The following REEP1 variants were observed in gnomAD, a reference collection of about 807,000 sequenced individuals.
REEP1 encodes receptor accessory protein 1, also known as receptor expression-enhancing protein 1.
REEP1 carries 22 observed loss-of-function variants against 40.3 expected under a neutral mutation model. The ratio of observed to expected loss-of-function variants is 0.55; its 90% CI spans 0.39 to 0.78. The LOEUF (loss-of-function observed/expected upper bound fraction) is 0.78, where lower values mean the gene tolerates loss of function less well. Ranked by LOEUF, REEP1 falls within the 30% of genes least tolerant of loss-of-function variation. The probability of loss-of-function intolerance (pLI) is 0.00; values close to 1 mark genes in which losing one functional copy is unlikely to be tolerated. For synonymous variants in REEP1, 116 were observed against 139.2 expected, an observed-to-expected ratio of 0.83 and a Z score of 1.17; for missense variants, 280 against 361.1, an observed-to-expected ratio of 0.78 and a Z score of 1.82.
chr2:86,312,497 G>T (rs1200252573), intron 1 of REEP1, among the ~76,000 whole-genome samples: 2 of 152,174 alleles, frequency 1.3e-5, no homozygotes, highest in East Asian at 3.9e-4. Context: ...CACAAGAGCT[G>T]TAAAATCAGA....
At chr2:86,257,813 T>C (rs968453092) in intron 3 of REEP1, among the ~76,000 whole-genome samples, 2 of 152,160 alleles carry the variant, frequency 1.3e-5, no homozygotes, top group Non-Finnish European at 2.9e-5. Context: ...AATTTTTGTA[T>C]TTTTAGTAGA....
chr2:86,224,901 G>A (rs950982540), intron 7 of REEP1, among the ~76,000 whole-genome samples: 1 of 152,222 alleles, frequency 6.6e-6, no homozygotes, highest in African/African-American at 2.4e-5. Context: ...AGTGTCAGGG[G>A]AAGAATGGAG....
At chr2:86,312,955 G>T (rs911243572) in intron 1 of REEP1, among the ~76,000 whole-genome samples, 1 of 152,154 alleles carries the variant, frequency 6.6e-6, no homozygotes, top group Admixed American at 6.5e-5. Flanking sequence ...CATCAGTTCA[G>T]ACGGGAACCC....
intron 1 of REEP1, among the ~76,000 whole-genome samples, chr2:86,311,114 C>T (rs1679742820): frequency 1.3e-5 from 2 of 152,126 alleles, no homozygotes; most frequent in African/African-American, 2.4e-5. Context: ...CAGGAATAGT[C>T]ATAGGAACTG....
intron 5 of REEP1, among the ~76,000 whole-genome samples, chr2:86,240,621 A>G (rs1675620794): frequency 6.6e-6 from 1 of 152,156 alleles, no homozygotes; most frequent in Non-Finnish European, 1.5e-5. Context: ...CAGTGAGTAA[A>G]AGGAGACCAG....
chr2:86,304,184 T>TCA (rs1679382263), intron 1 of REEP1, among the ~76,000 whole-genome samples: 1 of 152,136 alleles, frequency 6.6e-6, no homozygotes, highest in Admixed American at 6.5e-5. Flanking sequence ...ACAGGTGCTC[T>TCA]TATGGTCTCC....
At chr2:86,220,224 C>G in intron 7 of REEP1, 103 bp from the exon 8 acceptor site, 1 of 799,232 alleles carries the variant, frequency 1.3e-6, no homozygotes, top group Non-Finnish European at 1.7e-6. Flanking sequence ...GCACAGCAAA[C>G]CAGGCCTGTG....
chr2:86,297,785 C>G, intron 1 of REEP1: 1 of 928,874 alleles, frequency 1.1e-6, no homozygotes, highest in African/African-American at 1.8e-5. Context: ...AATGCCTCTT[C>G]CCAGAAGACT....
At chr2:86,239,201 T>C (rs1413151144) in intron 5 of REEP1, among the ~76,000 whole-genome samples, 2 of 92,018 alleles carry the variant, frequency 2.2e-5, no homozygotes, top group Non-Finnish European at 4.0e-5. Flanking sequence ...ACCAATGCCA[T>C]CTAGACCAAA....
At chr2:86,291,853 T>A (rs959113048) in intron 1 of REEP1, among the ~76,000 whole-genome samples, 3 of 152,232 alleles carry the variant, frequency 2.0e-5, no homozygotes, top group Non-Finnish European at 2.9e-5. Flanking sequence ...TGGATTTTTA[T>A]GCTCCCAAAC....
intron 1 of REEP1, among the ~76,000 whole-genome samples, chr2:86,331,781 C>T (rs1680777661): frequency 6.6e-6 from 1 of 152,170 alleles, no homozygotes; most frequent in African/African-American, 2.4e-5. Context: ...CAGACCTTTT[C>T]TGATCAGGAA....
At chr2:86,270,039 C>T (rs1677351470) in intron 2 of REEP1, among the ~76,000 whole-genome samples, 1 of 152,148 alleles carries the variant, frequency 6.6e-6, no homozygotes, top group Non-Finnish European at 1.5e-5. Context: ...ACAGACACTC[C>T]ACAAAGAAGA....
At chr2:86,253,136 T>A (rs1676374240) in intron 4 of REEP1, among the ~76,000 whole-genome samples, 1 of 151,802 alleles carries the variant, frequency 6.6e-6, no homozygotes. Context: ...ACAAAATGAG[T>A]CAGGCATGGT....
At chr2:86,244,277 A>C (rs1675814619) in intron 5 of REEP1, among the ~76,000 whole-genome samples, 1 of 152,172 alleles carries the variant, frequency 6.6e-6, no homozygotes, top group Non-Finnish European at 1.5e-5. Context: ...TAGATAGAGC[A>C]CTGATGGATA....
chr2:86,246,657 C>A (rs1020275434), intron 5 of REEP1, among the ~76,000 whole-genome samples: 10 of 151,632 alleles, frequency 6.6e-5, no homozygotes, highest in African/African-American at 2.2e-4. Flanking sequence ...TTCAGTGGTT[C>A]GTCTCACTAT....
intron 1 of REEP1, among the ~76,000 whole-genome samples, chr2:86,292,450 T>A (rs1488260312): frequency 1.3e-5 from 2 of 152,216 alleles, no homozygotes; most frequent in Admixed American, 6.5e-5. Context: ...ATTATACAAA[T>A]AACTGGTTAT....
chr2:86,296,631 C>T (rs1016341483), intron 1 of REEP1, among the ~76,000 whole-genome samples: 2 of 152,062 alleles, frequency 1.3e-5, no homozygotes, highest in East Asian at 3.9e-4. Context: ...CTGAGGCAGG[C>T]GGATCACCTG....
At chr2:86,328,515 C>T (rs1247372286) in intron 1 of REEP1, among the ~76,000 whole-genome samples, 4 of 152,176 alleles carry the variant, frequency 2.6e-5, no homozygotes, top group Admixed American at 1.3e-4. Context: ...CCCGTCTCTA[C>T]TAAAATACAA....
chr2:86,284,322 G>GT (rs1356055448), intron 1 of REEP1, among the ~76,000 whole-genome samples: 2 of 128,802 alleles, frequency 1.6e-5, no homozygotes, highest in South Asian at 5.8e-4. Flanking sequence ...CACTTGGTCA[G>GT]CTCAGGGTGC....
Sources: allele counts gnomAD v4.1 joint callset (sites outside exome capture counted in the v4.1 genomes callset), GRCh38; gene constraint gnomAD v4.1.1; transcripts MANE v1.5; gene names NCBI Gene and HGNC (gene_info 2026-07-23, HGNC 2026-07-21).